CAMTA1: variants seen among roughly 807,000 people sequenced by gnomAD.
CAMTA1 encodes calmodulin-binding transcription activator 1.
CAMTA1 carries 27 observed loss-of-function variants against 170.9 expected under a neutral mutation model. The observed-to-expected ratio is 0.16, with a 90% CI of 0.12 to 0.22. CAMTA1 has a LOEUF of 0.22. Ranked by LOEUF, CAMTA1 falls within the 10% of genes least tolerant of loss-of-function variation. The pLI is 1.00. For synonymous variants in CAMTA1, 833 were observed against 891.5 expected (o/e 0.93, Z 1.17); for missense variants, 1,619 against 2,217.2 (o/e 0.73, Z 5.42).
At chr1:6,886,080 C>T (rs1673130576) in intron 3 of CAMTA1, among the ~76,000 whole-genome samples, 1 of 152,170 alleles carries the variant, frequency 6.6e-6, no homozygotes, top group African/African-American at 2.4e-5. Context: ...GGTGCTGGTC[C>T]TCCCTTATTT....
chr1:6,847,978 TG>T (rs1658929728), intron 3 of CAMTA1, among the ~76,000 whole-genome samples: 1 of 151,926 alleles, frequency 6.6e-6, no homozygotes, highest in African/African-American at 2.4e-5. Flanking sequence ...CCCAAAGTGC[TG>T]GGATTACAGG....
rs1692332337 is a variant in CAMTA1, at chr1:6,970,499, C to T, written c.235-120805C>T. On this transcript the variant is annotated intron_variant, in intron 3 of 22. Coordinates refer to ENST00000303635, the MANE Select transcript of CAMTA1 (RefSeq NM_015215.4). This position sits in a 1 kb window ranked among gnomAD's most constrained non-coding sequence, Gnocchi z 4.4. ...GGGGGTTCTTGCCAGGCCAGGGACT[C>T]TCGGCTTGGAGGGGGTCACTCCAAG... Among the ~76,000 whole-genome samples the T allele has an allele frequency of 6.6e-6, 1 of 152,062 alleles. No homozygotes were observed. The highest frequency in any genetic ancestry group is 1.5e-5 in the Non-Finnish European group (1 of 68,014).
chr1:7,313,150 C>A (rs1411254205), intron 5 of CAMTA1, among the ~76,000 whole-genome samples: 2 of 152,166 alleles, frequency 1.3e-5, no homozygotes, highest in African/African-American at 2.4e-5. Context: ...ACATGAATTT[C>A]CTCTGAATCA....
intron 5 of CAMTA1, among the ~76,000 whole-genome samples, chr1:7,410,051 T>A (rs183070127): frequency 6.6e-6 from 1 of 152,322 alleles, no homozygotes; most frequent in East Asian, 1.9e-4. Flanking sequence ...TAGGTTTGTG[T>A]TTCAAAGAGC....
intron 6 of CAMTA1, among the ~76,000 whole-genome samples, chr1:7,492,832 CAA>C (rs1175831133): frequency 4.5e-4 from 67 of 147,342 alleles, no homozygotes; most frequent in African/African-American, 1.1e-3. Flanking sequence ...CACAAACATA[CAA>C]ACACGCACAC....
At chr1:7,751,135 G>T (rs1472979820) in intron 19 of CAMTA1, 64 bp from the exon 20 acceptor site, 10 of 1,307,884 alleles carry the variant, frequency 7.6e-6, no homozygotes, top group Non-Finnish European at 1.1e-5. Flanking sequence ...CGGTAAGCTC[G>T]AAGGACGCTG....
In CAMTA1 at chr1:7,064,997, C is replaced by T. The variant is rs1572800654; in HGVS notation, c.235-26307C>T. ...TTTTCAGCTTCAGTACCTAGGTCAC[C>T]AGCAGTGTCATCTACCGAGAAGGCA... On this transcript the variant is annotated intron_variant, in intron 3 of 22. Coordinates refer to ENST00000303635, the MANE Select transcript of CAMTA1 (RefSeq NM_015215.4). The surrounding 1 kb of genome is among the most constrained non-coding windows in gnomAD (Gnocchi z 5.4). Among the ~76,000 whole-genome samples, 1 of 152,192 alleles carries T rather than the reference C, an allele frequency of 6.6e-6. No homozygotes were observed. Among genetic ancestry groups the T allele is most frequent in the African/African-American group, 2.4e-5 (1 of 41,508 alleles).
rs2093837545 is a variant in CAMTA1 at position 7,496,928 on chromosome 1, AC to A, written c.510+29029del. ...CCAAGAGCCTCCATCCTGAGCAGCC[AC>A]CGAGACACTCTCCCTTCCTAGGCCA... On this transcript the variant is annotated intron_variant, in intron 6 of 22. Transcript: ENST00000303635. Among the ~76,000 whole-genome samples the A allele has an allele frequency of 1.3e-4, 20 of 152,104 alleles. No individual in the cohort carries two copies. The South Asian group carries it at 4.2e-3, about 32-fold the overall frequency.
At chr1:7,107,277 C>CATGT in intron 4 of CAMTA1, among the ~76,000 whole-genome samples, 1 of 14,050 alleles carries the variant, frequency 7.1e-5, no homozygotes, top group Non-Finnish European at 1.2e-4. Context: ...TGTGTGTGTG[C>CATGT]ATGTGTGTGT....
intron 3 of CAMTA1, among the ~76,000 whole-genome samples, chr1:7,011,246 C>A (rs949603294): frequency 2.0e-5 from 3 of 152,118 alleles, no homozygotes; most frequent in Non-Finnish European, 4.4e-5. Context: ...CTCTTTTCGC[C>A]GAGACTGGAG....
chr1:6,902,072 C>CACACACACAAAA (rs3986505), intron 3 of CAMTA1, among the ~76,000 whole-genome samples: 9 of 88,488 alleles, frequency 1.0e-4, no homozygotes, highest in Admixed American at 3.7e-4. Context: ...CACACACACA[C>CACACACACAAAA]AAAAAAAAAA....
rs180707462 is a variant in CAMTA1 at position 7,755,143 on chromosome 1, T to A, written c.4959-495T>A. Among the ~76,000 whole-genome samples the A allele has an allele frequency of 3.6e-3, 548 of 151,742 alleles. 1 individual carries two copies. The highest frequency in any genetic ancestry group is 0.013 in the African/African-American group (526 of 41,384). The stretch of plus-strand genomic sequence containing the variant: ...GAGTTTGAGACCAGCCTGGCCGACA[T>A]GGTGAAACCCTGTCTCTACTAAAGA... On this transcript the variant is annotated intron_variant, in intron 21 of 22. Coordinates refer to ENST00000303635, the MANE Select transcript of CAMTA1 (RefSeq NM_015215.4).
chr1:7,472,735 A>G (rs1258639694), intron 6 of CAMTA1, among the ~76,000 whole-genome samples: 2 of 152,136 alleles, frequency 1.3e-5, no homozygotes, highest in Non-Finnish European at 2.9e-5. Context: ...TAGTGGGTGC[A>G]GGGCACAGGG....
Position 7,542,842 on chromosome 1 carries a change from TG to T in CAMTA1, c.510+74942del, listed in dbSNP as rs58539214. ...ACCACGCCTGGCCTAAAACACAGTG[TG>T]TGTGTGTGTGTGTGTGTGTGTGTGT... On this transcript the variant is annotated intron_variant, in intron 6 of 22. Transcript: ENST00000303635. Among the ~76,000 whole-genome samples, 198 of 110,340 alleles carry T rather than the reference TG, an allele frequency of 1.8e-3. 10 individuals carry two copies. Among genetic ancestry groups the T allele is most frequent in the African/African-American group, 2.9e-3 (76 of 26,186 alleles). 72.4% of individuals were successfully genotyped at this position (110,340 alleles called of 152,430 possible).
chr1:7,437,838 C>T (rs1366511211), intron 5 of CAMTA1, among the ~76,000 whole-genome samples: 6 of 152,230 alleles, frequency 3.9e-5, no homozygotes, highest in Admixed American at 1.3e-4. Context: ...CCTACACGGT[C>T]GGGCGGTGTG....
intron 6 of CAMTA1, among the ~76,000 whole-genome samples, chr1:7,578,762 G>A (rs2095228005): frequency 6.6e-6 from 1 of 152,168 alleles, no homozygotes; most frequent in African/African-American, 2.4e-5. Flanking sequence ...CCCATGGAAG[G>A]AGGCACTACG....
At chr1:7,098,558 T>G (rs376077622) in intron 4 of CAMTA1, among the ~76,000 whole-genome samples, 3 of 152,222 alleles carry the variant, frequency 2.0e-5, no homozygotes, top group African/African-American at 7.2e-5. Context: ...TGTATCCTGA[T>G]GGAGTGTCTG....
intron 3 of CAMTA1, among the ~76,000 whole-genome samples, chr1:7,022,752 G>T (rs565973973): frequency 7.9e-5 from 12 of 152,294 alleles, no homozygotes; most frequent in African/African-American, 2.9e-4. Flanking sequence ...CTGAGTCTGG[G>T]GGAAGGAGGA....
intron 3 of CAMTA1, among the ~76,000 whole-genome samples, chr1:7,021,636 GAC>G (rs986460893): frequency 6.6e-6 from 1 of 152,216 alleles, no homozygotes; most frequent in Non-Finnish European, 1.5e-5. Flanking sequence ...TGATTGCGGT[GAC>G]AGTTTCCCAG....
Sources: allele counts gnomAD v4.1 joint callset (sites outside exome capture counted in the v4.1 genomes callset), GRCh38; gene constraint gnomAD v4.1.1; non-coding constraint Gnocchi (gnomAD v3.1); transcripts MANE v1.5; gene names NCBI Gene and HGNC (gene_info 2026-07-23, HGNC 2026-07-21).